YIPF1: variants seen among roughly 807,000 people sequenced by gnomAD.
YIPF1 encodes the protein protein YIPF1.
A neutral mutation model predicts 37.0 loss-of-function variants in YIPF1; 22 were observed. The ratio of observed to expected loss-of-function variants is 0.59; its 90% CI spans 0.42 to 0.85. YIPF1 has a LOEUF of 0.85. Ranked by LOEUF, YIPF1 falls within the 40% of genes least tolerant of loss-of-function variation. YIPF1 has a pLI of 0.00. For missense variants in YIPF1, 355 were observed against 373.1 expected, an observed-to-expected ratio of 0.95 and a Z score of 0.40; for synonymous variants, 128 against 131.9, an observed-to-expected ratio of 0.97 and a Z score of 0.21.
intron 4 of YIPF1, 185 bp downstream of exon 4, chr1:53,882,928 C>T: frequency 1.8e-6 from 1 of 547,838 alleles, no homozygotes; most frequent in Non-Finnish European, 3.0e-6. Context: ...TGTTCCCCTC[C>T]ACAAGTGTAC....
intron 5 of YIPF1, 56 bp downstream of exon 5, chr1:53,878,586 T>C (rs1650397312): frequency 1.3e-6 from 2 of 1,561,776 alleles, no homozygotes; most frequent in East Asian, 2.2e-5. Flanking sequence ...TGTTCAACCA[T>C]TAAAGAAACA....
chr1:53,859,281 G>A (rs1008604570), intron 10 of YIPF1, among the ~76,000 whole-genome samples: 2 of 152,198 alleles, frequency 1.3e-5, no homozygotes, highest in African/African-American at 2.4e-5. Context: ...TAGGCAGATG[G>A]ACACATGATT....
At position 53,878,744 on chromosome 1, in the gene YIPF1, A is replaced by G. The variant is rs201912868; in HGVS notation, c.196-22T>C. The G allele has an allele frequency of 2.7e-4, 422 of 1,585,898 alleles. 2 individuals are homozygous for G. Among genetic ancestry groups the G allele is most frequent in the Non-Finnish European group, 2.6e-5 (30 of 1,172,766 alleles). On this transcript the variant is annotated intron_variant, in intron 4 of 10. Coordinates refer to ENST00000072644, the MANE Select transcript of YIPF1 (RefSeq NM_018982.5). Reference sequence around the variant, plus strand: ...GTAACTGTCAGAAATAAAATAAAACATAATGAACACATAAGCAATTTCTTA... The same window carrying G: ...GTAACTGTCAGAAATAAAATAAAACGTAATGAACACATAAGCAATTTCTTA...
chr1:53,858,767 T>C (rs1557601311), intron 10 of YIPF1, among the ~76,000 whole-genome samples: 1 of 152,112 alleles, frequency 6.6e-6, no homozygotes, highest in Non-Finnish European at 1.5e-5. Context: ...CCCAACTAGT[T>C]GGGACTACAG....
intron 9 of YIPF1, among the ~76,000 whole-genome samples, chr1:53,864,388 G>A (rs997553202): frequency 2.1e-4 from 32 of 152,234 alleles, no homozygotes; most frequent in South Asian, 4.1e-4. Context: ...CAACAGGCCC[G>A]CCTTGAGGGC....
intron 7 of YIPF1, among the ~76,000 whole-genome samples, chr1:53,870,996 G>C (rs1650173007): frequency 8.0e-6 from 1 of 125,000 alleles, no homozygotes. Context: ...CTGGGTGACA[G>C]AGCGAGTCAC....
chr1:53,881,909 T>C (rs563076351), intron 4 of YIPF1, among the ~76,000 whole-genome samples: 2 of 152,290 alleles, frequency 1.3e-5, no homozygotes, highest in Admixed American at 6.5e-5. Flanking sequence ...TACATGCACA[T>C]TTATGTTCAC....
chr1:53,874,716 G>A (rs913292635), intron 6 of YIPF1, among the ~76,000 whole-genome samples: 3 of 152,230 alleles, frequency 2.0e-5, no homozygotes, highest in Admixed American at 2.0e-4. Flanking sequence ...GCAGTGAGCC[G>A]AGATTGCGCC....
chr1:53,876,695 C>A (rs1278931324), intron 6 of YIPF1, among the ~76,000 whole-genome samples: 1 of 152,164 alleles, frequency 6.6e-6, no homozygotes, highest in African/African-American at 2.4e-5. Flanking sequence ...AGTTACTGGA[C>A]CTCTGTGTGA....
rs369278150 is a variant in YIPF1, at chr1:53,873,394, A to G, written c.365-1906T>C. 6.6e-4 allele frequency among the ~76,000 whole-genome samples: 100 copies of G among 152,314 alleles called. 4 individuals are homozygous for G. In the South Asian group the frequency reaches 0.021, roughly 31 times the overall value. On this transcript the variant is annotated intron_variant, in intron 6 of 10. Transcript: ENST00000072644. ...GAATAGCAGGAGCAGAGACTGAAGT[A>G]AGAGGTACCAGTTCGAGGCCAAGCT...
Position 53,860,143 on chromosome 1 carries a change from A to G in YIPF1, c.842T>C (p.Phe281Ser). 1 of 1,614,118 alleles carries G rather than the reference A, an allele frequency of 6.2e-7. No homozygotes were observed. The highest frequency in any genetic ancestry group is 8.5e-7 in the Non-Finnish European group (1 of 1,179,998). The change falls in exon 10 of 11, where the codon TTT becomes TCT. Residue 281 changes from phenylalanine to serine, a missense_variant. Physicochemically the swap from Phe to Ser is radical, Grantham distance 155 (BLOSUM62 -2). Coordinates refer to ENST00000072644, the MANE Select transcript of YIPF1 (RefSeq NM_018982.5). ...GAGATGGTCCATCTCTGGTGCATCA[A>G]AAAAGTATGCCTGTGGGGAAAAAAA... ...LLSVGCLAYF[F>S]DAPEMDHLPT...
intron 10 of YIPF1, among the ~76,000 whole-genome samples, chr1:53,855,323 C>A (rs1343705981): frequency 6.6e-6 from 1 of 151,996 alleles, no homozygotes; most frequent in Admixed American, 6.6e-5. Context: ...CGGTCTCAAG[C>A]CCTCAAGCCA....
chr1:53,882,970 C>T, intron 4 of YIPF1, 143 bp downstream of exon 4: 2 of 901,252 alleles, frequency 2.2e-6, no homozygotes, highest in Non-Finnish European at 3.1e-6. Context: ...TTGCCTGTTT[C>T]CCCCACCAAG....
At chr1:53,855,160 C>A (rs1284315423) in intron 10 of YIPF1, 1 of 151,224 alleles carries the variant, frequency 6.6e-6, no homozygotes, top group Non-Finnish European at 1.5e-5. Flanking sequence ...TGTATCCAAT[C>A]AGGAGGATTT....
chr1:53,858,010 C>T (rs941658670), intron 10 of YIPF1, among the ~76,000 whole-genome samples: 13 of 148,502 alleles, frequency 8.8e-5, no homozygotes, highest in Non-Finnish European at 4.5e-5. Flanking sequence ...AGTGTTTTGT[C>T]AAATGGAATG....
Position 53,888,942 on chromosome 1 carries a change from CCAGT to C in YIPF1, c.-9_-6del. On this transcript the variant is annotated 5_prime_UTR_variant, in exon 3 of 11. Transcript: ENST00000072644. ...CAAGTCATCTACTGCTGCCATTCGG[CCAGT>C]GAGTCTTCTCCCAATTATGAGGAAG... is the stretch of plus-strand genomic sequence containing the variant. 6 of 1,596,872 alleles carry C rather than the reference CCAGT, an allele frequency of 3.8e-6. No homozygotes were observed. The highest frequency in any genetic ancestry group is 5.1e-6 in the Non-Finnish European group (6 of 1,166,100).
chr1:53,883,015 AT>A, intron 4 of YIPF1, 97 bp downstream of exon 4: 1 of 1,377,654 alleles, frequency 7.3e-7, no homozygotes, highest in Admixed American at 2.8e-5. Flanking sequence ...CTGAGCTGTC[AT>A]TGCCTGACAC....
rs542395349 is a variant in YIPF1, at chr1:53,858,042, C to A, written c.*8+2014G>T. 1.3e-3 allele frequency among the ~76,000 whole-genome samples: 205 copies of A among 151,884 alleles called. 3 individuals carry two copies. Among genetic ancestry groups the A allele is most frequent in the Non-Finnish European group, 7.9e-4 (54 of 67,960 alleles). ...AATGTGATAGACACATGTTAGTTTGCCCCAGAACTCTGGGGTGGCCTTGGG... is the reference window on the plus strand; with the variant it reads ...AATGTGATAGACACATGTTAGTTTGACCCAGAACTCTGGGGTGGCCTTGGG... On this transcript the variant is annotated intron_variant, in intron 10 of 10. Coordinates refer to ENST00000072644, the MANE Select transcript of YIPF1 (RefSeq NM_018982.5).
chr1:53,889,287 A>C lies in YIPF1; in HGVS notation c.-93T>G. 1 of 207,574 alleles carries C rather than the reference A, an allele frequency of 4.8e-6. No individual in the cohort carries two copies. The highest frequency in any genetic ancestry group is 9.9e-6 in the Non-Finnish European group (1 of 100,840). 12.9% of individuals were successfully genotyped at this position (207,574 alleles called of 1,614,324 possible). On this transcript the variant is annotated 5_prime_UTR_variant, in exon 2 of 11. Transcript: ENST00000072644. ...GCAGGTGCAGCCTAGAGATGTAACG[A>C]TGAGGAAGGAGAGGCTGAGGTTTGA...
Sources: allele counts gnomAD v4.1 joint callset (sites outside exome capture counted in the v4.1 genomes callset), GRCh38; gene constraint gnomAD v4.1.1; transcripts MANE v1.5; gene names NCBI Gene and HGNC (gene_info 2026-07-23, HGNC 2026-07-21).